DYNC2H1: variants seen among roughly 807,000 people sequenced by gnomAD.
The protein encoded by DYNC2H1 is cytoplasmic dynein 2 heavy chain 1.
DYNC2H1 carries 410 observed loss-of-function variants against 570.0 expected under a neutral mutation model. The observed-to-expected ratio is 0.72, with a 90% CI of 0.66 to 0.78. The LOEUF is 0.78. DYNC2H1 is among the 30% of genes least tolerant of loss of function. The pLI, the probability that DYNC2H1 is intolerant of heterozygous loss-of-function variation, is 0.00. For missense variants in DYNC2H1, 4,865 were observed against 5,046.4 expected, an observed-to-expected ratio of 0.96 and a Z score of 1.09; for synonymous variants, 1,688 against 1,677.6, an observed-to-expected ratio of 1.01 and a Z score of -0.15.
chr11:103,178,893 A>C, intron 38 of DYNC2H1, 133 bp from the exon 39 acceptor site: 1 of 812,012 alleles, frequency 1.2e-6, no homozygotes, highest in Non-Finnish European at 1.8e-6. Context: ...CTGAGCCAGG[A>C]TTGCGCATGG....
At chr11:103,406,402 T>C (rs1157286058) in intron 84 of DYNC2H1, 1 of 152,020 alleles carries the variant, frequency 6.6e-6, no homozygotes, top group East Asian at 1.9e-4. Context: ...AGTAGGGTTA[T>C]GATAGCTATA....
chr11:103,338,472 A>G (rs1487217669), intron 82 of DYNC2H1, among the ~76,000 whole-genome samples: 1 of 152,104 alleles, frequency 6.6e-6, no homozygotes, highest in Non-Finnish European at 1.5e-5. Flanking sequence ...TTTTTACAAT[A>G]ATTAATTCTT....
rs1865263278 is a variant in DYNC2H1 at position 103,261,088 on chromosome 11, G to C, written c.10695+1111G>C. ...ATACAGTTAATGTATTTTTAGAACA[G>C]GATAGTAATTTTTGTGATTTTGTTG... is the stretch of plus-strand genomic sequence containing the variant. On this transcript the variant is annotated intron_variant, in intron 70 of 88. Coordinates refer to ENST00000375735, the MANE Select transcript of DYNC2H1 (RefSeq NM_001377.3). The surrounding 1 kb of genome is among the most constrained non-coding windows in gnomAD (Gnocchi z 4.8). 6.6e-6 allele frequency among the ~76,000 whole-genome samples: 1 copy of C among 152,144 alleles called. No homozygotes were observed. The highest frequency in any genetic ancestry group is 2.1e-4 in the South Asian group (1 of 4,828).
At chr11:103,392,497 C>A (rs1159080735) in intron 83 of DYNC2H1, among the ~76,000 whole-genome samples, 2 of 152,198 alleles carry the variant, frequency 1.3e-5, no homozygotes, top group African/African-American at 2.4e-5. Context: ...GTGCGCTGCA[C>A]CCACTGTCCG....
rs540396463 is a variant in DYNC2H1 at position 103,348,271 on chromosome 11, A to AT, written c.12040-9970dup. On this transcript the variant is annotated intron_variant, in intron 82 of 88. Transcript: ENST00000375735. ...TAAACTACCTAACATTGTTTTAGTAATTATCTTTTTTTACTTTTTACAGCT... is the reference window on the plus strand; with the variant it reads ...TAAACTACCTAACATTGTTTTAGTAATTTATCTTTTTTTACTTTTTACAGCT... Among the ~76,000 whole-genome samples the AT allele has an allele frequency of 8.1e-3, 1,239 of 152,202 alleles. 14 individuals are homozygous for AT. The highest frequency in any genetic ancestry group is 0.014 in the Non-Finnish European group (924 of 67,998).
rs189754224 is a variant in DYNC2H1 at position 103,289,501 on chromosome 11, C to T, written c.11095+1896C>T. On this transcript the variant is annotated intron_variant, in intron 75 of 88. Coordinates refer to ENST00000375735, the MANE Select transcript of DYNC2H1 (RefSeq NM_001377.3). The surrounding 1 kb of genome is among the most constrained non-coding windows in gnomAD (Gnocchi z 4.2). ...ATATTTGCAAAGGTGGTTTCAGTAC[C>T]TGTAATCCCAGCACATTTGGAGGCT... Among the ~76,000 whole-genome samples, 69 of 152,274 alleles carry T rather than the reference C, an allele frequency of 4.5e-4. No homozygotes were observed. The highest frequency in any genetic ancestry group is 3.4e-3 in the Middle Eastern group (1 of 294).
intron 85 of DYNC2H1, among the ~76,000 whole-genome samples, chr11:103,452,765 TCA>T (rs547006015): frequency 1.3e-3 from 203 of 151,092 alleles, no homozygotes; most frequent in African/African-American, 4.6e-3. Context: ...CTATCATTTT[TCA>T]CAGTTATTTT....
rs1319755869 is a variant in DYNC2H1, at chr11:103,254,504, C to G, written c.10207-911C>G. Among the ~76,000 whole-genome samples the G allele has an allele frequency of 6.6e-6, 1 of 152,190 alleles. No homozygotes were observed. Among genetic ancestry groups the G allele is most frequent in the African/African-American group, 2.4e-5 (1 of 41,460 alleles). ...TACAATGTACATACCATACAACTTG[C>G]TGATTTAAAATGTATAATTCAATGG... On this transcript the variant is annotated intron_variant, in intron 66 of 88. Transcript: ENST00000375735. This position sits in a 1 kb window ranked among gnomAD's most constrained non-coding sequence, Gnocchi z 4.9.
rs1233375857 is a variant in DYNC2H1, at chr11:103,269,406, C to T, written c.10695+9429C>T. The stretch of plus-strand genomic sequence containing the variant: ...TAATGAAAGCTTTTAGGGTTTTTAG[C>T]AGTCAGCGTAACATTAAACTACCTG... On this transcript the variant is annotated intron_variant, in intron 70 of 88. Transcript: ENST00000375735. Among the ~76,000 whole-genome samples, 5 of 152,144 alleles carry T rather than the reference C, an allele frequency of 3.3e-5. 1 individual carries two copies. The highest frequency in any genetic ancestry group is 3.8e-4 in the East Asian group (2 of 5,198).
intron 81 of DYNC2H1, among the ~76,000 whole-genome samples, chr11:103,321,974 A>AT (rs984646295): frequency 3.9e-5 from 6 of 152,142 alleles, no homozygotes; most frequent in African/African-American, 1.4e-4. Context: ...TTTCATCCAA[A>AT]TTTTTTTCAA....
chr11:103,404,490 G>T (rs1441314567), intron 84 of DYNC2H1: 2 of 149,426 alleles, frequency 1.3e-5, no homozygotes, highest in Non-Finnish European at 3.0e-5. Context: ...GCCTACTGAT[G>T]AGATAATATT....
At chr11:103,337,126 C>T (rs1342475209) in intron 82 of DYNC2H1, among the ~76,000 whole-genome samples, 1 of 152,188 alleles carries the variant, frequency 6.6e-6, no homozygotes, top group African/African-American at 2.4e-5. Flanking sequence ...GGATCTATGC[C>T]TTAAGGACAT....
chr11:103,132,649 G>GGTGTGT (rs5794209), intron 13 of DYNC2H1, among the ~76,000 whole-genome samples: 6 of 148,510 alleles, frequency 4.0e-5, no homozygotes, highest in South Asian at 4.3e-4. Context: ...GAGGGTTGGG[G>GGTGTGT]GTGTGTGTGT....
chr11:103,398,251 A>G (rs1383165581), intron 83 of DYNC2H1, among the ~76,000 whole-genome samples: 1 of 152,168 alleles, frequency 6.6e-6, no homozygotes, highest in African/African-American at 2.4e-5. Flanking sequence ...AATATTATTT[A>G]TTGCATGCTC....
At chr11:103,453,487 A>G (rs1389785355) in intron 85 of DYNC2H1, among the ~76,000 whole-genome samples, 1 of 151,812 alleles carries the variant, frequency 6.6e-6, no homozygotes, top group Non-Finnish European at 1.5e-5. Context: ...TCTACCTTTA[A>G]GCTTAATAGC....
chr11:103,440,078 A>G (rs1944211094), intron 85 of DYNC2H1, among the ~76,000 whole-genome samples: 1 of 151,990 alleles, frequency 6.6e-6, no homozygotes, highest in South Asian at 2.1e-4. Context: ...CCTTTATCCT[A>G]GTTTTCTCAA....
At chr11:103,115,909 G>C (rs1360225752) in intron 4 of DYNC2H1, among the ~76,000 whole-genome samples, 10 of 152,130 alleles carry the variant, frequency 6.6e-5, no homozygotes, top group Non-Finnish European at 8.8e-5. Flanking sequence ...TATTCACTTT[G>C]TTCAAATTAG....
chr11:103,335,672 C>G (rs1939082638), intron 82 of DYNC2H1, among the ~76,000 whole-genome samples: 3 of 151,972 alleles, frequency 2.0e-5, no homozygotes, highest in Non-Finnish European at 4.4e-5. Context: ...ACTTAAATCT[C>G]TTTTAAAATT....
chr11:103,153,338 T>C lies in DYNC2H1; in HGVS notation c.3132T>C (p.Leu1044=), dbSNP rs1007840860. Residue 1044 remains leucine, a synonymous_variant, in exon 22 of 89, where the codon CTT becomes CTC. Coordinates refer to ENST00000375735, the MANE Select transcript of DYNC2H1 (RefSeq NM_001377.3). ...TGAAAGGAAATGTGAAATCACGTCT[T>C]CAGATCTATTATCAAGAACTGGAAA... ...EVMKGNVKSR[L]QIYYQELEKF... is the part of the protein sequence containing the mutation. 1 of 1,543,342 alleles carries C rather than the reference T, an allele frequency of 6.5e-7. No homozygotes were observed. Among genetic ancestry groups the C allele is most frequent in the African/African-American group, 1.4e-5 (1 of 72,594 alleles).
Sources: gnomAD v4.1 joint callset for allele counts (sites outside exome capture counted in the v4.1 genomes callset) on GRCh38, gnomAD v4.1.1 for gene constraint, Gnocchi (gnomAD v3.1) non-coding constraint, MANE v1.5 for transcripts, NCBI Gene and HGNC (gene_info 2026-07-23, HGNC 2026-07-21) for gene names.